Variants in MUSK observed in about 807,000 individuals in gnomAD.
MUSK encodes the protein muscle associated receptor tyrosine kinase.
In MUSK, 55 loss-of-function variants were observed where a neutral mutation model predicts 88.7. The ratio of observed to expected loss-of-function variants is 0.62; its 90% CI spans 0.50 to 0.78. The LOEUF (loss-of-function observed/expected upper bound fraction) is 0.78, where lower values mean the gene tolerates loss of function less well. Among genes scored for constraint, MUSK ranks in the 30% least tolerant of loss-of-function variants. MUSK has a pLI of 0.00. For synonymous variants in MUSK, 387 were observed against 391.9 expected (o/e 0.99, Z 0.15); for missense variants, 1,015 against 1,074.3 (o/e 0.94, Z 0.77).
chr9:110,747,922 C>T, intron 7 of MUSK, 122 bp downstream of exon 7: 1 of 1,309,592 alleles, frequency 7.6e-7, no homozygotes, highest in Non-Finnish European at 1.1e-6. Context: ...TGCATTTGGG[C>T]TATTTCCTCC....
At chr9:110,748,108 C>T (rs1232651969) in intron 7 of MUSK, 2 of 457,856 alleles carry the variant, frequency 4.4e-6, no homozygotes, top group Non-Finnish European at 8.5e-6. Flanking sequence ...TTTCCTCCCT[C>T]CCTCCTTCCC....
At position 110,695,538 on chromosome 9, in the gene MUSK, G is replaced by T. The variant is rs2076420566; in HGVS notation, c.486+8G>T. ...GGAGACAGCCCTCTCAGGGTAAGTG[G>T]TTATGATGTTAAAACACATATATAA... On this transcript the variant is annotated splice_region_variant and intron_variant, in intron 4 of 14. Transcript: ENST00000374448. 6.5e-7 allele frequency: 1 copy of T among 1,538,318 alleles called. No homozygotes were observed. Among genetic ancestry groups the T allele is most frequent in the East Asian group, 2.4e-5 (1 of 41,256 alleles).
At chr9:110,776,908 A>T (rs985499040) in intron 11 of MUSK, among the ~76,000 whole-genome samples, 2 of 152,192 alleles carry the variant, frequency 1.3e-5, no homozygotes, top group Non-Finnish European at 2.9e-5. Flanking sequence ...CAAGGTTTTT[A>T]GTCTGTTTTA....
chr9:110,684,624 T>C (rs2076171435), intron 2 of MUSK, among the ~76,000 whole-genome samples: 1 of 152,114 alleles, frequency 6.6e-6, no homozygotes, highest in Non-Finnish European at 1.5e-5. Context: ...GGAATATTTT[T>C]CCATTTTTTT....
intron 7 of MUSK, among the ~76,000 whole-genome samples, chr9:110,752,504 G>A (rs147343480): frequency 2.0e-4 from 31 of 152,334 alleles, no homozygotes; most frequent in Admixed American, 1.0e-3. Context: ...CAGACATGGC[G>A]CCTCTTTTGC....
At chr9:110,721,868 A>G (rs1489515286) in intron 5 of MUSK, among the ~76,000 whole-genome samples, 2 of 152,208 alleles carry the variant, frequency 1.3e-5, no homozygotes, top group Non-Finnish European at 2.9e-5. Flanking sequence ...ACACCAAAAC[A>G]GCATGGTACT....
At chr9:110,693,026 G>C (rs1463607624) in intron 3 of MUSK, among the ~76,000 whole-genome samples, 1 of 152,128 alleles carries the variant, frequency 6.6e-6, no homozygotes, top group Non-Finnish European at 1.5e-5. Context: ...TACTTACTGT[G>C]AGTAAGTAGG....
chr9:110,735,006 G>T (rs2077011178), intron 6 of MUSK, among the ~76,000 whole-genome samples: 1 of 152,076 alleles, frequency 6.6e-6, no homozygotes, highest in Non-Finnish European at 1.5e-5. Context: ...GAAAATATAT[G>T]TTGTATGTGT....
intron 5 of MUSK, among the ~76,000 whole-genome samples, chr9:110,731,661 C>T (rs1234193150): frequency 6.6e-6 from 1 of 152,036 alleles, no homozygotes; most frequent in African/African-American, 2.4e-5. Flanking sequence ...AGTTTATCAG[C>T]AGTCTCATAT....
rs1564297668 is a variant in MUSK, at chr9:110,797,134, AAAAAT to A, written c.1928-3167_1928-3163del. Among the ~76,000 whole-genome samples the A allele has an allele frequency of 1.9e-3, 124 of 66,284 alleles. 3 individuals are homozygous for A. Among genetic ancestry groups the A allele is most frequent in the Non-Finnish European group, 3.5e-3 (112 of 31,852 alleles). 43.5% of individuals were successfully genotyped at this position (66,284 alleles called of 152,430 possible). A position where few individuals can be genotyped will look rare whatever the true frequency, so the allele number is the denominator to read the frequency against. On this transcript the variant is annotated intron_variant, in intron 14 of 14. Coordinates refer to ENST00000374448, the MANE Select transcript of MUSK (RefSeq NM_005592.4). ...AGTATAACAAAAAAATAAAAAAATA[AAAAAT>A]AAAAAATAAATGCATGAATACCCAA... is the stretch of plus-strand genomic sequence containing the variant.
chr9:110,749,474 T>C (rs1587988466), intron 7 of MUSK, among the ~76,000 whole-genome samples: 7 of 151,018 alleles, frequency 4.6e-5, no homozygotes, highest in Admixed American at 3.3e-4. Flanking sequence ...AGCAGGGAGG[T>C]GGAAAGTGGA....
At chr9:110,672,455 T>A (rs2075971345) in intron 1 of MUSK, among the ~76,000 whole-genome samples, 1 of 151,862 alleles carries the variant, frequency 6.6e-6, no homozygotes, top group Non-Finnish European at 1.5e-5. Context: ...GAACATAGGG[T>A]AGGGAGGACA....
intron 7 of MUSK, among the ~76,000 whole-genome samples, chr9:110,755,962 ATACATATATATATAT>A (rs1587996785): frequency 1.2e-4 from 8 of 67,412 alleles, no homozygotes; most frequent in East Asian, 7.0e-4. Flanking sequence ...ACATATATAT[ATACATATATATATAT>A]ACATATATAT....
At chr9:110,749,990 A>T (rs2077227414) in intron 7 of MUSK, among the ~76,000 whole-genome samples, 2 of 152,238 alleles carry the variant, frequency 1.3e-5, no homozygotes, top group East Asian at 3.9e-4. Flanking sequence ...TTTGATCAAG[A>T]CCTACTGTTA....
At position 110,767,831 on chromosome 9, in the gene MUSK, A is replaced by C; in HGVS notation, c.932A>C (p.Lys311Thr). Reference protein sequence around the residue: ...ISIAEWSKPQKDNKGYCAQYR... With the variant: ...ISIAEWSKPQTDNKGYCAQYR... ...ATTTCTTCTTTCAGTAAACCACAGA[A>C]AGATAACAAAGGCTACTGCGCCCAG... is the stretch of plus-strand genomic sequence containing the variant. Residue 311 changes from lysine (K) to threonine (T), a missense_variant, in exon 9 of 15, where the codon AAA becomes ACA. Lys to Thr is a moderately conservative substitution (Grantham distance 78). Transcript: ENST00000374448. The C allele has an allele frequency of 1.2e-6, 2 of 1,614,036 alleles. No homozygotes were observed. Among genetic ancestry groups the C allele is most frequent in the Non-Finnish European group, 1.7e-6 (2 of 1,179,892 alleles).
intron 5 of MUSK, among the ~76,000 whole-genome samples, chr9:110,730,319 G>T (rs1227864771): frequency 6.6e-6 from 1 of 152,026 alleles, no homozygotes; most frequent in Non-Finnish European, 1.5e-5. Flanking sequence ...AGAAAGAGGG[G>T]TTTGATGATT....
At chr9:110,732,111 T>C (rs530667218) in intron 5 of MUSK, among the ~76,000 whole-genome samples, 1 of 152,182 alleles carries the variant, frequency 6.6e-6, no homozygotes, top group East Asian at 1.9e-4. Context: ...AGTTCAAGGG[T>C]ATAGTCAATG....
intron 5 of MUSK, among the ~76,000 whole-genome samples, chr9:110,720,754 C>G (rs551267248): frequency 6.6e-6 from 1 of 152,230 alleles, no homozygotes; most frequent in East Asian, 1.9e-4. Context: ...AAGGCAGTAT[C>G]ACCCTAATAC....
At chr9:110,790,108 G>A (rs2077947292) in intron 14 of MUSK, among the ~76,000 whole-genome samples, 1 of 152,194 alleles carries the variant, frequency 6.6e-6, no homozygotes, top group Non-Finnish European at 1.5e-5. Context: ...TCAAGAGAGT[G>A]TGGTGTCCTG....
Sources: gnomAD v4.1 joint callset for allele counts (sites outside exome capture counted in the v4.1 genomes callset) on GRCh38, gnomAD v4.1.1 for gene constraint, MANE v1.5 for transcripts, NCBI Gene and HGNC (gene_info 2026-07-23, HGNC 2026-07-21) for gene names.